ZFAND6: variants seen among roughly 807,000 people sequenced by gnomAD.
ZFAND6 encodes the protein zinc finger AN1-type containing 6.
ZFAND6 carries 12 observed loss-of-function variants against 24.5 expected under a neutral mutation model. That is an observed-to-expected ratio of 0.49 (90% CI 0.31 to 0.79). ZFAND6 has a LOEUF of 0.79. Ranked by LOEUF, ZFAND6 falls within the 30% of genes least tolerant of loss-of-function variation. The pLI, the probability that ZFAND6 is intolerant of heterozygous loss-of-function variation, is 0.04. For missense variants in ZFAND6, 207 were observed against 245.9 expected, an observed-to-expected ratio of 0.84 and a Z score of 1.06; for synonymous variants, 92 against 81.5, an observed-to-expected ratio of 1.13 and a Z score of -0.69.
chr15:80,087,546 C>T (rs1026820438), intron 1 of ZFAND6, among the ~76,000 whole-genome samples: 1 of 152,154 alleles, frequency 6.6e-6, no homozygotes, highest in Non-Finnish European at 1.5e-5. Flanking sequence ...CCCAGCACCT[C>T]TTGTTTCATT....
At chr15:80,078,151 C>T (rs931555486) in intron 1 of ZFAND6, among the ~76,000 whole-genome samples, 3 of 152,106 alleles carry the variant, frequency 2.0e-5, no homozygotes, top group East Asian at 1.9e-4. Flanking sequence ...CAAACAATCC[C>T]GTCACTCAGT....
chr15:80,102,406 C>T (rs117182059), intron 2 of ZFAND6, among the ~76,000 whole-genome samples: 263 of 152,272 alleles, frequency 1.7e-3, no homozygotes, highest in South Asian at 2.7e-3. Flanking sequence ...TGAGCCCCCG[C>T]GCCCAGCCTT....
At chr15:80,074,836 T>A (rs1425817588) in intron 1 of ZFAND6, among the ~76,000 whole-genome samples, 3 of 151,982 alleles carry the variant, frequency 2.0e-5, no homozygotes, top group Non-Finnish European at 2.9e-5. Flanking sequence ...TTGAGTAACG[T>A]TCTAGAATAA....
chr15:80,120,363 C>A lies in ZFAND6; in HGVS notation c.19C>A (p.His7Asn). 6.3e-7 allele frequency: 1 copy of A among 1,575,046 alleles called. No homozygotes were observed. Among genetic ancestry groups the A allele is most frequent in the South Asian group, 1.2e-5 (1 of 85,034 alleles). The stretch of plus-strand genomic sequence containing the variant: ...GAGGAACATGGCTCAAGAAACTAAT[C>A]ACAGCCAAGTGCCTATGCTTTGTTC... Reference protein sequence around the residue: MAQETNHSQVPMLCSTG... With the variant: MAQETNNSQVPMLCSTG... Residue 7 changes from histidine (H) to asparagine (N), a missense_variant, in exon 3 of 7, where the codon CAC (histidine) becomes AAC (asparagine). Transcript: ENST00000261749.
intron 1 of ZFAND6, among the ~76,000 whole-genome samples, chr15:80,069,712 A>C (rs2036865577): frequency 6.6e-6 from 1 of 152,194 alleles, no homozygotes; most frequent in Non-Finnish European, 1.5e-5. Flanking sequence ...GGGTTCAAGC[A>C]ATCCTCCTGC....
intron 1 of ZFAND6, among the ~76,000 whole-genome samples, chr15:80,077,103 T>C (rs2037329643): frequency 6.6e-6 from 1 of 152,224 alleles, no homozygotes; most frequent in African/African-American, 2.4e-5. Context: ...CCAAGCTGTG[T>C]AGTGGGAAGA....
chr15:80,089,911 G>A (rs1409755529), intron 1 of ZFAND6, among the ~76,000 whole-genome samples: 1 of 152,062 alleles, frequency 6.6e-6, no homozygotes, highest in Non-Finnish European at 1.5e-5. Context: ...GTAGAATCAT[G>A]GTATCATGTT....
chr15:80,126,673 G>A (rs1398518621), intron 5 of ZFAND6, among the ~76,000 whole-genome samples: 1 of 152,132 alleles, frequency 6.6e-6, no homozygotes, highest in Non-Finnish European at 1.5e-5. Flanking sequence ...ACGAATATAA[G>A]AGAACTATAA....
chr15:80,075,721 C>G (rs771474658), intron 1 of ZFAND6, among the ~76,000 whole-genome samples: 3 of 151,936 alleles, frequency 2.0e-5, no homozygotes, highest in Non-Finnish European at 2.9e-5. Context: ...TTTGTTTAAA[C>G]CTATTAATGC....
At chr15:80,136,119 G>T (rs570004797) in intron 6 of ZFAND6, among the ~76,000 whole-genome samples, 1 of 140,074 alleles carries the variant, frequency 7.1e-6, no homozygotes, top group East Asian at 2.0e-4. Flanking sequence ...GTGAGACCCT[G>T]TGTCAAAAAA....
rs1180055107 is a variant in ZFAND6 at position 80,121,799 on chromosome 15, C to T, written c.242C>T (p.Thr81Ile). 1.2e-6 allele frequency: 2 copies of T among 1,613,620 alleles called. No homozygotes were observed. Among genetic ancestry groups the T allele is most frequent in the Non-Finnish European group, 1.7e-6 (2 of 1,179,680 alleles). Residue 81 changes from threonine to isoleucine, a missense_variant, in exon 4 of 7, where the codon ACA becomes ATA. Around this residue, in one of 3 missense-constraint regions of ZFAND6, gnomAD observed 133 missense variants for 122.8 expected, o/e 1.08. Transcript: ENST00000261749. ...GAAGCCCAGTCAGCATTAGACTCTA[C>T]ATCTTCATCTATGCAGCCCAGGTAA... ...VPEAQSALDS[T>I]SSSMQPSPVS...
At chr15:80,060,469 A>G (rs1181403738) in intron 1 of ZFAND6, 2 of 152,138 alleles carry the variant, frequency 1.3e-5, no homozygotes, top group Admixed American at 6.5e-5. Flanking sequence ...TTGTGTTTGA[A>G]ATCTTTTTAA....
intron 1 of ZFAND6, among the ~76,000 whole-genome samples, chr15:80,068,479 C>T (rs1398976672): frequency 1.3e-5 from 2 of 152,060 alleles, no homozygotes; most frequent in East Asian, 1.9e-4. Context: ...TCAAGTGATT[C>T]TCCTGCCTCA....
chr15:80,065,485 C>T (rs1039739548), intron 1 of ZFAND6, among the ~76,000 whole-genome samples: 2 of 146,762 alleles, frequency 1.4e-5, no homozygotes, highest in Non-Finnish European at 3.0e-5. Context: ...CTTTGTTAGT[C>T]CTCAGATTTT....
chr15:80,092,844 ATTATATTAAAATACTT>A (rs1327860013), intron 1 of ZFAND6, among the ~76,000 whole-genome samples: 2 of 152,224 alleles, frequency 1.3e-5, no homozygotes, highest in Non-Finnish European at 2.9e-5. Flanking sequence ...TTTCAAATGA[ATTATATTAAAATACTT>A]TTATATTTAG....
intron 1 of ZFAND6, among the ~76,000 whole-genome samples, chr15:80,091,472 G>A (rs1358276609): frequency 6.6e-6 from 1 of 152,114 alleles, no homozygotes; most frequent in African/African-American, 2.4e-5. Context: ...CTTTCGCAGA[G>A]TTCCGTTTAG....
At chr15:80,109,821 C>G (rs1277927544) in intron 2 of ZFAND6, among the ~76,000 whole-genome samples, 1 of 152,196 alleles carries the variant, frequency 6.6e-6, no homozygotes, top group South Asian at 2.1e-4. Context: ...GCATAAGAAA[C>G]TAACCCAAAA....
At chr15:80,114,050 G>T (rs886669656) in intron 2 of ZFAND6, among the ~76,000 whole-genome samples, 1 of 152,080 alleles carries the variant, frequency 6.6e-6, no homozygotes, top group African/African-American at 2.4e-5. Flanking sequence ...TGAGCTAGAA[G>T]CTTGTTTCCA....
intron 1 of ZFAND6, among the ~76,000 whole-genome samples, chr15:80,073,708 CTCTG>C (rs2037107520): frequency 6.6e-6 from 1 of 151,910 alleles, no homozygotes; most frequent in African/African-American, 2.4e-5. Context: ...CTGTTCCCTT[CTCTG>C]TCTTATATTC....
Sources: gnomAD v4.1 joint callset for allele counts (sites outside exome capture counted in the v4.1 genomes callset) on GRCh38, gnomAD v4.1.1 for gene constraint, gnomAD v4.1.1 regional missense constraint, MANE v1.5 for transcripts, NCBI Gene and HGNC (gene_info 2026-07-23, HGNC 2026-07-21) for gene names.